IVD: variants seen among roughly 807,000 people sequenced by gnomAD.
IVD encodes the protein isovaleryl-CoA dehydrogenase, also known as isovaleryl-CoA dehydrogenase, mitochondrial.
IVD carries 31 observed loss-of-function variants against 51.3 expected under a neutral mutation model. The observed-to-expected ratio is 0.60, with a 90% CI of 0.45 to 0.81. IVD has a LOEUF of 0.81. IVD is among the 40% of genes least tolerant of loss of function. The pLI is 0.00. For missense variants in IVD, 475 were observed against 552.0 expected, an observed-to-expected ratio of 0.86 and a Z score of 1.40; for synonymous variants, 205 against 219.4, an observed-to-expected ratio of 0.93 and a Z score of 0.58.
downstream of IVD, among the ~76,000 whole-genome samples, chr15:40,423,348 TC>T (rs1194874150): frequency 1.3e-5 from 2 of 152,212 alleles, no homozygotes; most frequent in African/African-American, 4.8e-5. Context: ...CCATTCCCAC[TC>T]CCAGGACAAA....
In IVD at chr15:40,407,679, C is replaced by T. The variant is rs760955750; in HGVS notation, c.188C>T (p.Pro63Leu). 2 of 1,614,042 alleles carry T rather than the reference C, an allele frequency of 1.2e-6. No individual in the cohort carries two copies. The highest frequency in any genetic ancestry group is 1.3e-5 in the African/African-American group (1 of 74,932). ...MAKFLQEHLA[P>L]KAQEIDRSNE... ...AAGTTCCTTCAGGAGCACCTGGCCC[C>T]CAAGGCCCAGGAGATCGATCGCAGC... is the stretch of plus-strand genomic sequence containing the variant. Residue 63 changes from proline to leucine, a missense_variant, in exon 2 of 12, where the codon CCC becomes CTC. Transcript: ENST00000487418.
intron 3 of IVD, among the ~76,000 whole-genome samples, chr15:40,408,700 C>T (rs1180762004): frequency 6.6e-6 from 1 of 152,146 alleles, no homozygotes; most frequent in East Asian, 1.9e-4. Context: ...CCTGTAATCC[C>T]AGCACTTTGG....
At chr15:40,435,499 G>A (rs577059411) in exon 9 of IVD, 67 of 1,255,418 alleles carry the variant, frequency 5.3e-5, no homozygotes, top group Middle Eastern at 4.4e-4. Context: ...TGAGCACTGC[G>A]AGGGAACTGA....
At position 40,408,094 on chromosome 15, in the gene IVD, C is replaced by T. The variant is rs2014753824; in HGVS notation, c.286+104C>T. 5 of 1,066,602 alleles carry T rather than the reference C, an allele frequency of 4.7e-6. 1 individual carries two copies. In the South Asian group the frequency reaches 5.1e-5, roughly 11 times the overall value. 66.1% of individuals were successfully genotyped at this position (1,066,602 alleles called of 1,614,324 possible). On this transcript the variant is annotated intron_variant, in intron 3 of 11. Coordinates refer to ENST00000487418, the MANE Select transcript of IVD (RefSeq NM_002225.5). ...AGGGAAAGATTGTGCTTAAAGAAAC[C>T]CAGAACTGCATCTTTTGGACCTGTG...
rs536615430 is a variant in IVD, at chr15:40,429,614, G to A, written c.720-4240G>A. ...CTTGCATAATGAATGCAAAGCAGGGGGCGGGGGCAGGCTGCAGGGAGGATA... is the reference window on the plus strand; with the variant it reads ...CTTGCATAATGAATGCAAAGCAGGGAGCGGGGGCAGGCTGCAGGGAGGATA... On this transcript the variant is annotated intron_variant, in intron 7 of 8. Transcript: ENST00000473112. Among the ~76,000 whole-genome samples, 20 of 152,298 alleles carry A rather than the reference G, an allele frequency of 1.3e-4. No homozygotes were observed. The South Asian group carries it at 3.9e-3, about 30-fold the overall frequency.
intron 3 of IVD, among the ~76,000 whole-genome samples, chr15:40,408,731 A>G (rs1012325277): frequency 1.3e-5 from 2 of 152,070 alleles, no homozygotes; most frequent in East Asian, 3.9e-4. Context: ...CAGGTGGATC[A>G]CCTGCGGTCG....
chr15:40,415,183 A>T, intron 8 of IVD: 3 of 754,516 alleles, frequency 4.0e-6, no homozygotes, highest in Non-Finnish European at 6.5e-6. Flanking sequence ...AGTAACAGAC[A>T]AAAGGCCTGA....
chr15:40,417,486 C>T lies in IVD; in HGVS notation c.1139-644C>T, dbSNP rs1033862077. On this transcript the variant is annotated intron_variant, in intron 11 of 11. Coordinates refer to ENST00000487418, the MANE Select transcript of IVD (RefSeq NM_002225.5). Reference sequence around the variant, plus strand: ...TCATGCCACTGCACTCCAGCCTAGGCCACAGAGCATGACTCCAAAAAAAAA... The same window carrying T: ...TCATGCCACTGCACTCCAGCCTAGGTCACAGAGCATGACTCCAAAAAAAAA... 7.6e-5 allele frequency among the ~76,000 whole-genome samples: 11 copies of T among 143,844 alleles called. No homozygotes were observed. The East Asian group carries it at 1.4e-3, about 18-fold the overall frequency. 94.4% of individuals were successfully genotyped at this position (143,844 alleles called of 152,430 possible).
intron 7 of IVD, among the ~76,000 whole-genome samples, chr15:40,433,504 C>A (rs139901200): frequency 6.6e-6 from 1 of 152,264 alleles, no homozygotes; most frequent in African/African-American, 2.4e-5. Context: ...AGTGGATGCA[C>A]CCCTGGTCTT....
At chr15:40,414,789 G>T in intron 7 of IVD, 100 bp from the exon 8 acceptor site, 1 of 1,549,854 alleles carries the variant, frequency 6.5e-7, no homozygotes. Flanking sequence ...ACATATTTTA[G>T]TGCCTTACTT....
At chr15:40,407,801 C>T (rs1890617734) in intron 2 of IVD, 76 bp downstream of exon 2, 2 of 1,453,618 alleles carry the variant, frequency 1.4e-6, no homozygotes, top group Non-Finnish European at 1.9e-6. Context: ...GAAGAGCTCA[C>T]ACAGTTTTCT....
intron 7 of IVD, among the ~76,000 whole-genome samples, chr15:40,432,135 G>T (rs1048682563): frequency 6.6e-6 from 1 of 151,962 alleles, no homozygotes; most frequent in South Asian, 2.1e-4. Flanking sequence ...GTAGAGACAG[G>T]GTTTTGCCAC....
intron 7 of IVD, among the ~76,000 whole-genome samples, chr15:40,433,475 G>A (rs571119643): frequency 7.9e-5 from 12 of 152,116 alleles, no homozygotes; most frequent in Non-Finnish European, 1.6e-4. Flanking sequence ...CTGTACGTCT[G>A]GAATAAAGGA....
chr15:40,415,242 C>A, intron 8 of IVD, 159 bp from the exon 9 acceptor site: 1 of 770,696 alleles, frequency 1.3e-6, no homozygotes, highest in Non-Finnish European at 2.2e-6. Context: ...GGCTGTCACG[C>A]CCCTGCACCT....
intron 7 of IVD, 174 bp from the exon 8 acceptor site, chr15:40,414,715 A>G: frequency 8.8e-7 from 1 of 1,135,162 alleles, no homozygotes; most frequent in Non-Finnish European, 1.2e-6. Context: ...TCCACTTCTG[A>G]CTGGAAGGGG....
At chr15:40,412,636 C>G (rs1040918239) in intron 6 of IVD, 3 of 339,968 alleles carry the variant, frequency 8.8e-6, no homozygotes, top group Non-Finnish European at 1.7e-5. Flanking sequence ...AGGAGAACAA[C>G]AGAGGATAAG....
chr15:40,429,300 A>G (rs1401081660), downstream of IVD, among the ~76,000 whole-genome samples: 1 of 152,126 alleles, frequency 6.6e-6, no homozygotes, highest in East Asian at 1.9e-4. Flanking sequence ...ACATCCACCA[A>G]TCCCCTGCTC....
In IVD at chr15:40,410,756, C is replaced by T. The variant is rs376324882; in HGVS notation, c.415C>T (p.Arg139Cys). 3.0e-5 allele frequency: 48 copies of T among 1,613,996 alleles called. No individual in the cohort carries two copies. The highest frequency in any genetic ancestry group is 1.3e-4 in the Admixed American group (8 of 59,990). ...HSNLCINQLV[R>C]NGNEAQKEKY... ...CAACCTCTGCATCAACCAGCTTGTA[C>T]GCAATGGGAATGAGGCCCAGAAAGA... is the stretch of plus-strand genomic sequence containing the variant. The change falls in exon 4 of 12, where the codon CGC (arginine) becomes TGC (cysteine). Residue 139 changes from arginine to cysteine, a missense_variant. Arg to Cys is a radical substitution (Grantham distance 180, BLOSUM62 -3). Coordinates refer to ENST00000487418, the MANE Select transcript of IVD (RefSeq NM_002225.5).
At chr15:40,411,953 G>C (rs1891133984) in intron 6 of IVD, among the ~76,000 whole-genome samples, 1 of 152,194 alleles carries the variant, frequency 6.6e-6, no homozygotes, top group African/African-American at 2.4e-5. Context: ...GGACTAAAAG[G>C]AGGTCAGGAC....
Sources: gnomAD v4.1 joint callset for allele counts (sites outside exome capture counted in the v4.1 genomes callset) on GRCh38, gnomAD v4.1.1 for gene constraint, MANE v1.5 for transcripts, NCBI Gene and HGNC (gene_info 2026-07-23, HGNC 2026-07-21) for gene names.